Variants in TTC28 observed in about 807,000 individuals in gnomAD.
TTC28 encodes tetratricopeptide repeat protein 28.
In TTC28, 61 loss-of-function variants were observed where a neutral mutation model predicts 198.0. The ratio of observed to expected loss-of-function variants is 0.31; its 90% CI spans 0.25 to 0.38. The LOEUF (loss-of-function observed/expected upper bound fraction) is 0.38, where lower values mean the gene tolerates loss of function less well. Ranked by LOEUF, TTC28 falls within the 10% of genes least tolerant of loss-of-function variation. TTC28 has a pLI of 1.00. For synonymous variants in TTC28, 1,171 were observed against 1,297.8 expected, an observed-to-expected ratio of 0.90 and a Z score of 2.10; for missense variants, 2,678 against 3,164.0, an observed-to-expected ratio of 0.85 and a Z score of 3.69.
chr22:28,229,250 G>C (rs1440966115), intron 5 of TTC28, among the ~76,000 whole-genome samples: 1 of 152,206 alleles, frequency 6.6e-6, no homozygotes, highest in Non-Finnish European at 1.5e-5. Context: ...GTTCTGGGTA[G>C]AATATCTACT....
intron 2 of TTC28, among the ~76,000 whole-genome samples, chr22:28,402,881 T>C (rs1202529942): frequency 6.6e-6 from 1 of 152,246 alleles, no homozygotes; most frequent in Non-Finnish European, 1.5e-5. Flanking sequence ...TCTGTGAAAC[T>C]AGAAACGAAT....
chr22:28,399,775 A>C (rs1249510610), intron 2 of TTC28, among the ~76,000 whole-genome samples: 1 of 152,122 alleles, frequency 6.6e-6, no homozygotes, highest in Non-Finnish European at 1.5e-5. Context: ...TTATCCTTCA[A>C]AGCACTCCAT....
intron 12 of TTC28, among the ~76,000 whole-genome samples, chr22:28,088,796 G>T (rs130410): frequency 0.92 from 140,026 of 152,230 alleles, 64,525 homozygotes; most frequent in African/African-American, 0.98. Context: ...GAATCTACAA[G>T]GAACTCAAAC....
chr22:27,983,501 A>G lies in TTC28; in HGVS notation c.6166T>C (p.Tyr2056His). The change falls in exon 23 of 23, where the codon TAT (tyrosine) becomes CAT (histidine). Residue 2056 changes from tyrosine to histidine, a missense_variant. By Grantham distance (83) the Tyr-to-His change is moderately conservative. Coordinates refer to ENST00000397906, the MANE Select transcript of TTC28 (RefSeq NM_001145418.2). ...TTACTGATGATAGAAAACCCTTCAT[A>G]TTCTTCTTCATCTTTGTTGCCTGCA... is the stretch of plus-strand genomic sequence containing the variant. Reference protein sequence around the residue: ...RPAGNKDEEEYEGFSIISNEP... With the variant: ...RPAGNKDEEEHEGFSIISNEP... 1.9e-6 allele frequency: 3 copies of G among 1,547,862 alleles called. No individual in the cohort carries two copies. The highest frequency in any genetic ancestry group is 1.7e-4 in the Middle Eastern group (1 of 5,938).
intron 1 of TTC28, among the ~76,000 whole-genome samples, chr22:28,639,738 G>A (rs528864374): frequency 6.6e-6 from 1 of 152,320 alleles, no homozygotes; most frequent in South Asian, 2.1e-4. Flanking sequence ...AGGTGAAACT[G>A]TGAGTCCAAT....
chr22:27,983,814 G>C lies in TTC28; in HGVS notation c.5853C>G (p.Ser1951Arg). The C allele has an allele frequency of 6.4e-7, 1 of 1,551,706 alleles. No homozygotes were observed. Residue 1951 changes from serine (S) to arginine (R), a missense_variant, in exon 23 of 23, where the codon AGC (serine) becomes AGG (arginine). Ser to Arg is a moderately radical substitution (Grantham distance 110). Around this residue, in one of 8 missense-constraint regions of TTC28, gnomAD observed 314 missense variants for 442.7 expected, o/e 0.71. Coordinates refer to ENST00000397906, the MANE Select transcript of TTC28 (RefSeq NM_001145418.2). ...AAGCAAGAGACTCGAGGGAGGAGGAGCTGTCAAGGCTGAGGCGCTTGGGTA... is the reference window on the plus strand; with the variant it reads ...AAGCAAGAGACTCGAGGGAGGAGGACCTGTCAAGGCTGAGGCGCTTGGGTA... ...TELPKRLSLD[S>R]SSSLESLASA...
chr22:28,633,053 G>A (rs991692009), intron 1 of TTC28, among the ~76,000 whole-genome samples: 1 of 152,034 alleles, frequency 6.6e-6, no homozygotes, highest in Middle Eastern at 3.2e-3. Context: ...GCCGAGGTGG[G>A]CGGATCACCT....
rs201293962 is a variant in TTC28, at chr22:28,107,841, G to A, written c.2004C>T (p.His668=). The change falls in exon 7 of 23, where the codon CAC becomes CAT. Residue 668 remains histidine, a synonymous_variant. Transcript: ENST00000397906. The stretch of plus-strand genomic sequence containing the variant: ...AGGCTTTTGCTTGGCTCAACTTGTC[G>A]TGAAGGTCTTTAGCCAGTGCCAGAT... ...EQDLALAKDL[H]DKLSQAKAYC... 74 of 1,551,764 alleles carry A rather than the reference G, an allele frequency of 4.8e-5. No homozygotes were observed. Among genetic ancestry groups the A allele is most frequent in the Non-Finnish European group, 5.9e-5 (68 of 1,147,044 alleles).
chr22:28,652,995 A>G (rs147592498), intron 1 of TTC28, among the ~76,000 whole-genome samples: 1 of 152,104 alleles, frequency 6.6e-6, no homozygotes, highest in Non-Finnish European at 1.5e-5. Flanking sequence ...TGCCTCCCTA[A>G]AACTCCCATT....
chr22:28,538,382 C>T (rs1048438568), intron 2 of TTC28, among the ~76,000 whole-genome samples: 2 of 151,904 alleles, frequency 1.3e-5, no homozygotes, highest in African/African-American at 2.4e-5. Context: ...ACCACTGTGC[C>T]TGGCCTATAG....
chr22:28,395,633 AAC>A lies in TTC28; in HGVS notation c.382-88992_382-88991del, dbSNP rs1491414410. On this transcript the variant is annotated intron_variant, in intron 2 of 22. Coordinates refer to ENST00000397906, the MANE Select transcript of TTC28 (RefSeq NM_001145418.2). ...CCGTCTCAAAAAAAAAAACCAAACA[AAC>A]AAAAAAAAAAAAACCAGCAACAACC... 8.6e-3 allele frequency among the ~76,000 whole-genome samples: 156 copies of A among 18,070 alleles called. 6 individuals carry two copies. The South Asian group carries it at 0.22, about 25-fold the overall frequency. The allele number at this position is 18,070 out of a possible 152,430, so 11.9% of individuals were successfully genotyped here.
intron 2 of TTC28, among the ~76,000 whole-genome samples, chr22:28,624,354 G>A (rs1415431502): frequency 1.3e-5 from 2 of 151,730 alleles, no homozygotes; most frequent in Non-Finnish European, 2.9e-5. Flanking sequence ...CTCCAGACTG[G>A]GCAACAGAGC....
At chr22:28,324,561 C>G (rs772620519) in intron 2 of TTC28, among the ~76,000 whole-genome samples, 1 of 152,160 alleles carries the variant, frequency 6.6e-6, no homozygotes, top group Non-Finnish European at 1.5e-5. Flanking sequence ...TGGTCTTCAT[C>G]CCTGGGATGC....
At chr22:28,352,312 C>CAT (rs35793503) in intron 2 of TTC28, among the ~76,000 whole-genome samples, 13,192 of 142,554 alleles carry the variant, frequency 0.093, 684 homozygotes, top group African/African-American at 0.11. Context: ...GAGATATATA[C>CAT]ATATATATAT....
rs1003077673 is a variant in TTC28 at position 28,393,444 on chromosome 22, C to A, written c.382-86801G>T. Among the ~76,000 whole-genome samples, 10 of 152,250 alleles carry A rather than the reference C, an allele frequency of 6.6e-5. No individual in the cohort carries two copies. In the East Asian group the frequency reaches 1.7e-3, roughly 26 times the overall value. Reference sequence around the variant, plus strand: ...CGGTGGCTCGTGCCTGTAATCCCGGCACTTTGGGAGGCTGAGGCAGGAGGA... The same window carrying A: ...CGGTGGCTCGTGCCTGTAATCCCGGAACTTTGGGAGGCTGAGGCAGGAGGA... On this transcript the variant is annotated intron_variant, in intron 2 of 22. Transcript: ENST00000397906.
intron 2 of TTC28, among the ~76,000 whole-genome samples, chr22:28,516,334 A>G (rs2048785844): frequency 6.6e-6 from 1 of 152,206 alleles, no homozygotes; most frequent in Non-Finnish European, 1.5e-5. Flanking sequence ...TCTATCTAAA[A>G]ATGTAAAACA....
chr22:28,207,440 G>T (rs750263380), intron 5 of TTC28, among the ~76,000 whole-genome samples: 5 of 151,950 alleles, frequency 3.3e-5, no homozygotes, highest in Non-Finnish European at 5.9e-5. Context: ...GAAAGATGTA[G>T]AAATGAATCA....
At chr22:28,394,111 A>G (rs190520801) in intron 2 of TTC28, among the ~76,000 whole-genome samples, 1 of 152,174 alleles carries the variant, frequency 6.6e-6, no homozygotes, top group East Asian at 1.9e-4. Context: ...TTTTAATTTA[A>G]TATAATCTAT....
At chr22:28,645,692 G>A (rs1314895788) in intron 1 of TTC28, among the ~76,000 whole-genome samples, 1 of 150,790 alleles carries the variant, frequency 6.6e-6, no homozygotes, top group Non-Finnish European at 1.5e-5. Context: ...TGCTGGGATG[G>A]TTCAACATGT....
Sources: allele counts gnomAD v4.1 joint callset (sites outside exome capture counted in the v4.1 genomes callset), GRCh38; gene constraint gnomAD v4.1.1; regional missense constraint gnomAD v4.1.1; transcripts MANE v1.5; gene names NCBI Gene and HGNC (gene_info 2026-07-23, HGNC 2026-07-21).